ZFHX3: variants seen among roughly 807,000 people sequenced by gnomAD.
ZFHX3 encodes the protein zinc finger homeobox 3.
In ZFHX3, 42 loss-of-function variants were observed where a neutral mutation model predicts 279.1. The ratio of observed to expected loss-of-function variants is 0.15; its 90% CI spans 0.12 to 0.19. The LOEUF (loss-of-function observed/expected upper bound fraction) is 0.19. ZFHX3 is among the 10% of genes least tolerant of loss of function. The pLI, the probability that ZFHX3 is intolerant of heterozygous loss-of-function variation, is 1.00. For synonymous variants in ZFHX3, 2,293 were observed against 1,957.8 expected, an observed-to-expected ratio of 1.17 and a Z score of -4.52; for missense variants, 4,981 against 4,754.0, an observed-to-expected ratio of 1.05 and a Z score of -1.40.
intron 3 of ZFHX3, 120 bp from the exon 4 acceptor site, chr16:72,890,082 G>T (rs2038732531): frequency 1.2e-6 from 1 of 823,330 alleles, no homozygotes; most frequent in Non-Finnish European, 1.9e-6. Flanking sequence ...CATCTCCACA[G>T]CCAAACAGGA....
At chr16:73,598,380 CT>C (rs1443525597) in intron 2 of ZFHX3, among the ~76,000 whole-genome samples, 5 of 151,792 alleles carry the variant, frequency 3.3e-5, no homozygotes, top group Non-Finnish European at 7.4e-5. Flanking sequence ...CAAGAGTAGG[CT>C]GTAAATTTCA....
intron 4 of ZFHX3, among the ~76,000 whole-genome samples, chr16:73,264,650 C>T (rs2013917214): frequency 6.6e-6 from 1 of 151,858 alleles, no homozygotes. Context: ...AGTTCTTTAG[C>T]CGTGATTTGT....
intron 7 of ZFHX3, among the ~76,000 whole-genome samples, chr16:73,128,500 C>A (rs1966612143): frequency 6.6e-6 from 1 of 152,156 alleles, no homozygotes; most frequent in African/African-American, 2.4e-5. Flanking sequence ...AATGCAAACC[C>A]AGGCAGACCA....
intron 3 of ZFHX3, among the ~76,000 whole-genome samples, chr16:73,335,457 T>C (rs960028265): frequency 2.0e-5 from 3 of 152,218 alleles, no homozygotes; most frequent in Admixed American, 1.3e-4. Context: ...AAGTTTCCGC[T>C]GCAGAATATT....
intron 2 of ZFHX3, among the ~76,000 whole-genome samples, chr16:73,605,952 A>T (rs2052174962): frequency 6.6e-6 from 1 of 151,978 alleles, no homozygotes; most frequent in African/African-American, 2.4e-5. Context: ...TGGGAGACCG[A>T]GGCGGGCGGA....
intron 2 of ZFHX3, among the ~76,000 whole-genome samples, chr16:73,539,433 CTTTTTTTTTTTT>C (rs1162434013): frequency 1.5e-4 from 10 of 65,074 alleles, no homozygotes; most frequent in Non-Finnish European, 2.3e-4. Context: ...TCCTCTTCTT[CTTTTTTTTTTTT>C]TTTTTTTTTT....
intron 1 of ZFHX3, among the ~76,000 whole-genome samples, chr16:72,963,781 G>C (rs1380148930): frequency 6.6e-6 from 1 of 152,166 alleles, no homozygotes; most frequent in Non-Finnish European, 1.5e-5. Context: ...AGGGAAGCTG[G>C]GGTGGGAGGG....
chr16:73,521,651 GA>G (rs2019610498), intron 2 of ZFHX3, among the ~76,000 whole-genome samples: 1 of 151,654 alleles, frequency 6.6e-6, no homozygotes, highest in Admixed American at 6.6e-5. Context: ...GGAAATCTGG[GA>G]AAACTCCAGG....
chr16:73,263,389 A>G (rs1418819680), intron 4 of ZFHX3, among the ~76,000 whole-genome samples: 5 of 152,118 alleles, frequency 3.3e-5, no homozygotes, highest in African/African-American at 7.2e-5. Context: ...GGGTCACAGT[A>G]TGTTACCCAG....
intron 1 of ZFHX3, among the ~76,000 whole-genome samples, chr16:73,823,601 C>A (rs1286473169): frequency 1.3e-5 from 2 of 152,302 alleles, no homozygotes; most frequent in African/African-American, 4.8e-5. Context: ...TAAAGCTGTA[C>A]TGAAATACAG....
chr16:73,859,479 T>C (rs186692733), intron 1 of ZFHX3, among the ~76,000 whole-genome samples: 46 of 152,310 alleles, frequency 3.0e-4, no homozygotes, highest in African/African-American at 1.1e-3. Flanking sequence ...GATCATTAAC[T>C]GGGTGTATGA....
chr16:73,682,996 AAAGAAAGAAAGAAAG>A (rs2053041594), intron 1 of ZFHX3, among the ~76,000 whole-genome samples: 3 of 37,916 alleles, frequency 7.9e-5, no homozygotes, highest in Non-Finnish European at 1.4e-4. Flanking sequence ...GAAAGAAAAG[AAAGAAAGAAAGAAAG>A]AGAAAGGAGG....
chr16:72,896,136 T>C, intron 3 of ZFHX3, among the ~76,000 whole-genome samples: 1 of 152,196 alleles, frequency 6.6e-6, no homozygotes. Flanking sequence ...CAGACTGTCC[T>C]CATCTGGATT....
In ZFHX3 at chr16:73,189,329, C is replaced by T. The variant is rs529518538; in HGVS notation, c.-1103-45498G>A. Among the ~76,000 whole-genome samples the T allele has an allele frequency of 1.1e-3, 172 of 152,318 alleles. 1 individual carries two copies. The highest frequency in any genetic ancestry group is 3.8e-3 in the African/African-American group (160 of 41,562). On this transcript the variant is annotated intron_variant, in intron 5 of 17. Coordinates refer to the ZFHX3 transcript ENST00000641206. Reference sequence around the variant, plus strand: ...TGAGCAGCTAGCAGAATTCTAATCACGTGATCATTGTTCACTGGGGTCGGC... The same window carrying T: ...TGAGCAGCTAGCAGAATTCTAATCATGTGATCATTGTTCACTGGGGTCGGC...
intron 1 of ZFHX3, among the ~76,000 whole-genome samples, chr16:73,021,331 G>T (rs1055666615): frequency 6.6e-6 from 1 of 152,148 alleles, no homozygotes; most frequent in Non-Finnish European, 1.5e-5. Flanking sequence ...TAAAAATCTT[G>T]CAGTCACCCT....
At chr16:73,471,764 C>T (rs1478108678) in intron 2 of ZFHX3, among the ~76,000 whole-genome samples, 2 of 152,204 alleles carry the variant, frequency 1.3e-5, no homozygotes, top group Non-Finnish European at 2.9e-5. Flanking sequence ...GAAGAACTCA[C>T]ATAAAGGAGA....
intron 5 of ZFHX3, among the ~76,000 whole-genome samples, chr16:73,160,394 C>A (rs1433342337): frequency 6.6e-6 from 1 of 152,178 alleles, no homozygotes; most frequent in Admixed American, 6.5e-5. Context: ...TTGTTTCTAG[C>A]ATGTTGATGA....
intron 1 of ZFHX3, among the ~76,000 whole-genome samples, chr16:73,028,127 C>CT (rs1224018366): frequency 6.6e-6 from 1 of 152,038 alleles, no homozygotes; most frequent in Non-Finnish European, 1.5e-5. Context: ...GCGGCTTCTC[C>CT]TTTTTTTGGG....
At chr16:73,458,256 T>C (rs2018408710) in intron 2 of ZFHX3, among the ~76,000 whole-genome samples, 1 of 152,098 alleles carries the variant, frequency 6.6e-6, no homozygotes, top group Non-Finnish European at 1.5e-5. Context: ...GAATTCTTTT[T>C]TCTTTTCTCC....
Sources: gnomAD v4.1 joint callset for allele counts (sites outside exome capture counted in the v4.1 genomes callset) on GRCh38, gnomAD v4.1.1 for gene constraint, MANE v1.5 for transcripts, NCBI Gene and HGNC (gene_info 2026-07-23, HGNC 2026-07-21) for gene names.